The following ATG2B variants were observed in gnomAD, a reference collection of about 807,000 sequenced individuals.
The protein encoded by ATG2B is autophagy related 2B, also known as autophagy-related protein 2 homolog B.
ATG2B carries 121 observed loss-of-function variants against 241.3 expected under a neutral mutation model. The observed-to-expected ratio is 0.50, with a 90% confidence interval of 0.43 to 0.58. ATG2B has a LOEUF of 0.58. Among genes scored for constraint, ATG2B ranks in the 20% least tolerant of loss-of-function variants. The probability of loss-of-function intolerance (pLI) is 0.00; values close to 1 mark genes in which losing one functional copy is unlikely to be tolerated. For missense variants in ATG2B, 2,306 were observed against 2,491.6 expected, an observed-to-expected ratio of 0.93 and a Z score of 1.59; for synonymous variants, 858 against 876.6, an observed-to-expected ratio of 0.98 and a Z score of 0.37.
chr14:96,308,193 TATATAC>T (rs1245238499), intron 29 of ATG2B, among the ~76,000 whole-genome samples: 83 of 133,680 alleles, frequency 6.2e-4, no homozygotes, highest in African/African-American at 2.3e-3. Flanking sequence ...CATAAATATA[TATATAC>T]ATATATATAT....
intron 6 of ATG2B, among the ~76,000 whole-genome samples, chr14:96,339,410 G>A (rs1887952659): frequency 6.6e-6 from 1 of 151,272 alleles, no homozygotes; most frequent in Non-Finnish European, 1.5e-5. Flanking sequence ...TATGTATGTG[G>A]TGCGTGTATA....
intron 14 of ATG2B, 65 bp from the exon 15 acceptor site, chr14:96,325,987 T>C: frequency 6.8e-7 from 1 of 1,479,170 alleles, no homozygotes; most frequent in South Asian, 1.3e-5. Flanking sequence ...TTACACAGTA[T>C]TCAACATTAC....
rs1362846003 is a variant in ATG2B, at chr14:96,341,607, G to A, written c.839C>T (p.Ser280Phe). 6.2e-7 allele frequency: 1 copy of A among 1,606,372 alleles called. No individual in the cohort carries two copies. The highest frequency in any genetic ancestry group is 1.3e-5 in the African/African-American group (1 of 74,898). ...LTRNLPEIAP[S>F]DPVQIGRLIG... ...TAACCGTCCAATCTGCACTGGGTCA[G>A]AAGGTGCTATCTCTGGTAAATTTCT... Residue 280 changes from serine (S) to phenylalanine (F), a missense_variant, in exon 6 of 42, where the codon TCT (serine) becomes TTT (phenylalanine). Physicochemically the swap from Ser to Phe is radical, Grantham distance 155. Around this residue, in one of 2 missense-constraint regions of ATG2B, gnomAD observed 1,927 missense variants for 2,011.2 expected, o/e 0.96. Transcript: ENST00000359933.
chr14:96,297,003 G>A (rs938240057), intron 34 of ATG2B, among the ~76,000 whole-genome samples: 4 of 152,060 alleles, frequency 2.6e-5, no homozygotes, highest in Admixed American at 6.5e-5. Flanking sequence ...AGGTGGTTTC[G>A]TCAGTAGTGG....
chr14:96,346,303 C>T (rs1888167858), intron 2 of ATG2B, among the ~76,000 whole-genome samples: 1 of 152,126 alleles, frequency 6.6e-6, no homozygotes, highest in Admixed American at 6.5e-5. Flanking sequence ...ACAGAGATTG[C>T]AAGAATTACT....
At chr14:96,302,907 A>G (rs1886831128) in intron 33 of ATG2B, among the ~76,000 whole-genome samples, 154 bp downstream of exon 33, 1 of 152,218 alleles carries the variant, frequency 6.6e-6, no homozygotes, top group African/African-American at 2.4e-5. Context: ...TTTTTTAAAC[A>G]TAAAACTTTA....
rs534802312 is a variant in ATG2B, at chr14:96,315,085, T to C, written c.3642+69A>G. 8.0e-6 allele frequency: 9 copies of C among 1,118,252 alleles called. No individual in the cohort carries two copies. The South Asian group carries it at 1.1e-4, about 13-fold the overall frequency. 69.3% of individuals were successfully genotyped at this position (1,118,252 alleles called of 1,614,324 possible). A position where few individuals can be genotyped will look rare whatever the true frequency, so the allele number is the denominator to read the frequency against. ...CTGAACATTTATGACTTACAAACTT[T>C]TCAGTATGTGTATTAGATGTCAACA... On this transcript the variant is annotated intron_variant, in intron 23 of 41. Transcript: ENST00000359933.
In ATG2B at chr14:96,311,160, T is replaced by C. The variant is rs1417836291; in HGVS notation, c.4118A>G (p.Asn1373Ser). 6.2e-7 allele frequency: 1 copy of C among 1,613,888 alleles called. No individual in the cohort carries two copies. The change falls in exon 28 of 42, where the codon AAC becomes AGC. Residue 1373 changes from asparagine to serine, a missense_variant. Physicochemically the swap from Asn to Ser is conservative, Grantham distance 46. This residue lies in a region of ATG2B where 1,927 missense variants were observed against 2,011.2 expected (regional missense o/e 0.96). Transcript: ENST00000359933. ...IASYGDLQTP[N>S]KADMKPGAFQ... ...GGCTCCAGGCTTCATATCTGCCTTG[T>C]TAGGTGTCTGCAAGTCACCATAGCT...
chr14:96,348,949 G>A (rs1888243030), intron 1 of ATG2B, among the ~76,000 whole-genome samples: 1 of 152,070 alleles, frequency 6.6e-6, no homozygotes, highest in Non-Finnish European at 1.5e-5. Flanking sequence ...CAGAGACCAA[G>A]ATAAAGATGA....
At position 96,290,706 on chromosome 14, in the gene ATG2B, A is replaced by C; in HGVS notation, c.5701+108T>G. ...GGCAAAGTTTTGTGTATATGAGTAC[A>C]TATGTGAGTTTTCTAGACTAATGGT... On this transcript the variant is annotated intron_variant, in intron 39 of 41. Coordinates refer to ENST00000359933, the MANE Select transcript of ATG2B (RefSeq NM_018036.7). This position sits in a 1 kb window ranked among gnomAD's most constrained non-coding sequence, Gnocchi z 4.4. The C allele has an allele frequency of 5.8e-6, 9 of 1,539,846 alleles. No homozygotes were observed. The highest frequency in any genetic ancestry group is 3.5e-4 in the Middle Eastern group (2 of 5,726).
intron 12 of ATG2B, among the ~76,000 whole-genome samples, chr14:96,329,255 G>A (rs567527040): frequency 6.6e-5 from 10 of 152,202 alleles, no homozygotes; most frequent in African/African-American, 2.4e-4. Flanking sequence ...TAACCCACCT[G>A]TCACTCCTAA....
intron 15 of ATG2B, among the ~76,000 whole-genome samples, chr14:96,324,448 G>A (rs1049128138): frequency 6.6e-6 from 1 of 152,176 alleles, no homozygotes; most frequent in African/African-American, 2.4e-5. Context: ...CATTTGGGAG[G>A]CTGAGGCAGG....
At chr14:96,324,700 T>G (rs1887545609) in intron 15 of ATG2B, among the ~76,000 whole-genome samples, 2 of 152,062 alleles carry the variant, frequency 1.3e-5, no homozygotes, top group Admixed American at 1.3e-4. Context: ...TCTATACGTG[T>G]TTTTTCAATC....
intron 6 of ATG2B, among the ~76,000 whole-genome samples, chr14:96,338,412 G>A (rs747831025): frequency 2.6e-5 from 4 of 151,996 alleles, no homozygotes; most frequent in Non-Finnish European, 5.9e-5. Context: ...GTATGATGTT[G>A]GTTGTAAGTT....
Position 96,289,668 on chromosome 14 carries a change from A to T in ATG2B, c.5994T>A (p.Ser1998Arg), listed in dbSNP as rs527274217. 6.2e-7 allele frequency: 1 copy of T among 1,614,186 alleles called. No homozygotes were observed. The highest frequency in any genetic ancestry group is 2.2e-5 in the East Asian group (1 of 44,888). Reference sequence around the variant, plus strand: ...AGTATTCAGTTACCTCTTTCACAACACTGTAGGCCTTGGCCACACCTTCCC... The same window carrying T: ...AGTATTCAGTTACCTCTTTCACAACTCTGTAGGCCTTGGCCACACCTTCCC... The part of the protein sequence containing the change: ...DLREGVAKAY[S>R]VVKEGITDTA... The change falls in exon 41 of 42, where the codon AGT (serine) becomes AGA (arginine). Residue 1998 changes from serine to arginine, a missense_variant. Ser to Arg is a moderately radical substitution (Grantham distance 110). Transcript: ENST00000359933. The surrounding 1 kb of genome is among the most constrained non-coding windows in gnomAD (Gnocchi z 4.3).
At chr14:96,293,659 A>G (rs1178618583) in intron 36 of ATG2B, among the ~76,000 whole-genome samples, 2 of 152,220 alleles carry the variant, frequency 1.3e-5, no homozygotes, top group East Asian at 3.8e-4. Context: ...CTGGGCATTC[A>G]TTTCCTCATT....
chr14:96,285,844 T>A lies in ATG2B; in HGVS notation c.6148A>T (p.Thr2050Ser). ...CTCATGCCACCCAGCACGTTTGACG[T>A]TGCTTCTGTGGCAACAATCAGAGGT... is the stretch of plus-strand genomic sequence containing the variant. ...VKPLIVATEATSNVLGGMRNQ... is the reference protein window; with the variant it reads ...VKPLIVATEASSNVLGGMRNQ... The change falls in exon 42 of 42, where the codon ACG becomes TCG. Residue 2050 changes from threonine to serine, a missense_variant. By Grantham distance (58) the Thr-to-Ser change is moderately conservative. Around this residue, in one of 2 missense-constraint regions of ATG2B, gnomAD observed 379 missense variants for 480.4 expected, o/e 0.79. Coordinates refer to ENST00000359933, the MANE Select transcript of ATG2B (RefSeq NM_018036.7). This position sits in a 1 kb window ranked among gnomAD's most constrained non-coding sequence, Gnocchi z 4.2. 1 of 1,614,132 alleles carries A rather than the reference T, an allele frequency of 6.2e-7. No homozygotes were observed.
At chr14:96,352,431 G>A (rs763971716) in intron 1 of ATG2B, among the ~76,000 whole-genome samples, 15 of 151,890 alleles carry the variant, frequency 9.9e-5, no homozygotes, top group South Asian at 2.1e-4. Context: ...TCTTTCAGGA[G>A]GTACCCAGAA....
At chr14:96,336,981 A>G (rs1287066801) in intron 6 of ATG2B, among the ~76,000 whole-genome samples, 1 of 152,172 alleles carries the variant, frequency 6.6e-6, no homozygotes. Context: ...CTCCAACTCT[A>G]GTCAGAGGTT....
Sources: gnomAD v4.1 joint callset for allele counts (sites outside exome capture counted in the v4.1 genomes callset) on GRCh38, gnomAD v4.1.1 for gene constraint, gnomAD v4.1.1 regional missense constraint, Gnocchi (gnomAD v3.1) non-coding constraint, MANE v1.5 for transcripts, NCBI Gene and HGNC (gene_info 2026-07-23, HGNC 2026-07-21) for gene names.